Variants in GALNTL6 observed in about 807,000 individuals in gnomAD.
GALNTL6 encodes the protein polypeptide N-acetylgalactosaminyltransferase like 6.
In GALNTL6, 46 loss-of-function variants were observed where a neutral mutation model predicts 73.7. The ratio of observed to expected loss-of-function variants is 0.62; its 90% CI spans 0.49 to 0.80. GALNTL6 has a LOEUF of 0.80. Among genes scored for constraint, GALNTL6 ranks in the 30% least tolerant of loss-of-function variants. GALNTL6 has a pLI of 0.00. For missense variants in GALNTL6, 604 were observed against 755.0 expected, an observed-to-expected ratio of 0.80 and a Z score of 2.34; for synonymous variants, 259 against 263.7, an observed-to-expected ratio of 0.98 and a Z score of 0.17.
chr4:172,735,788 C>A (rs1424715764), intron 5 of GALNTL6, among the ~76,000 whole-genome samples: 1 of 152,082 alleles, frequency 6.6e-6, no homozygotes, highest in African/African-American at 2.4e-5. Flanking sequence ...AATATTTCAA[C>A]ATAGGTACTT....
chr4:172,322,578 C>T (rs1271973276), intron 4 of GALNTL6, among the ~76,000 whole-genome samples: 1 of 152,000 alleles, frequency 6.6e-6, no homozygotes, highest in Non-Finnish European at 1.5e-5. Context: ...CCTCAGGAAA[C>T]TCATAATCAT....
At chr4:172,722,262 T>A (rs945046372) in intron 5 of GALNTL6, among the ~76,000 whole-genome samples, 53 of 152,284 alleles carry the variant, frequency 3.5e-4, no homozygotes, top group African/African-American at 1.2e-3. Flanking sequence ...ATACTCTAAA[T>A]GGGGGTTCCA....
At chr4:171,929,591 GC>G in intron 2 of GALNTL6, among the ~76,000 whole-genome samples, 1 of 152,330 alleles carries the variant, frequency 6.6e-6, no homozygotes, top group African/African-American at 2.4e-5. Flanking sequence ...CAACGGCGTG[GC>G]CTCGAGCAGC....
chr4:172,800,692 G>A (rs552943505), intron 5 of GALNTL6, among the ~76,000 whole-genome samples: 1 of 152,152 alleles, frequency 6.6e-6, no homozygotes, highest in African/African-American at 2.4e-5. Flanking sequence ...AAAAATCAGA[G>A]ACATTTCCAT....
At chr4:171,919,294 T>G (rs890710490) in intron 2 of GALNTL6, among the ~76,000 whole-genome samples, 1 of 151,986 alleles carries the variant, frequency 6.6e-6, no homozygotes, top group Admixed American at 6.6e-5. Flanking sequence ...ACATAAAACA[T>G]TATCCACACA....
chr4:172,715,875 A>G (rs1735047726), intron 5 of GALNTL6, among the ~76,000 whole-genome samples: 1 of 152,226 alleles, frequency 6.6e-6, no homozygotes, highest in Non-Finnish European at 1.5e-5. Context: ...TAATCCAAAC[A>G]AACTAAGTAC....
chr4:172,563,329 C>A (rs1736443528), intron 5 of GALNTL6, among the ~76,000 whole-genome samples: 1 of 149,730 alleles, frequency 6.7e-6, no homozygotes, highest in South Asian at 2.2e-4. Flanking sequence ...CCTACAGGAG[C>A]CACGATATGA....
At chr4:172,882,961 T>G in intron 8 of GALNTL6, 54 bp downstream of exon 8, 1 of 938,064 alleles carries the variant, frequency 1.1e-6, no homozygotes, top group Non-Finnish European at 1.7e-6. Flanking sequence ...ACAATTCTGA[T>G]AGAATATCAG....
At chr4:172,879,106 G>A (rs1172815015) in intron 7 of GALNTL6, among the ~76,000 whole-genome samples, 2 of 151,740 alleles carry the variant, frequency 1.3e-5, no homozygotes, top group Non-Finnish European at 1.5e-5. Flanking sequence ...CACCTATTAA[G>A]AGAGCTACGG....
Position 172,700,828 on chromosome 4 carries a change from T to A in GALNTL6, c.554-108533T>A, listed in dbSNP as rs190006978. On this transcript the variant is annotated intron_variant, in intron 5 of 12. Transcript: ENST00000506823. ...AACAAAGAAGGCTTTCAAATATAAA[T>A]TTGAGATATTATATAGGCTTCTCCC... 1.6e-4 allele frequency among the ~76,000 whole-genome samples: 24 copies of A among 152,196 alleles called. No homozygotes were observed. In the East Asian group the frequency reaches 4.3e-3, roughly 27 times the overall value.
intron 5 of GALNTL6, among the ~76,000 whole-genome samples, chr4:172,520,523 G>C (rs1430481424): frequency 6.7e-6 from 1 of 149,918 alleles, no homozygotes; most frequent in East Asian, 1.9e-4. Flanking sequence ...CTTGGGTACA[G>C]CATTTTGAGT....
intron 5 of GALNTL6, among the ~76,000 whole-genome samples, chr4:172,447,810 A>T (rs1045247831): frequency 6.6e-6 from 1 of 152,172 alleles, no homozygotes; most frequent in African/African-American, 2.4e-5. Context: ...AGTATTTATT[A>T]CCAAGACTAG....
chr4:172,079,870 T>TA (rs199612301), intron 2 of GALNTL6, among the ~76,000 whole-genome samples: 1 of 152,086 alleles, frequency 6.6e-6, no homozygotes, highest in Non-Finnish European at 1.5e-5. Context: ...TTTAACTTTT[T>TA]AAAAAAAATT....
chr4:172,557,002 G>T (rs1736169074), intron 5 of GALNTL6, among the ~76,000 whole-genome samples: 1 of 152,112 alleles, frequency 6.6e-6, no homozygotes, highest in Admixed American at 6.5e-5. Context: ...TATCCAGCAT[G>T]CATTTCCCAA....
intron 5 of GALNTL6, among the ~76,000 whole-genome samples, chr4:172,409,561 A>C (rs1331427667): frequency 6.6e-6 from 1 of 152,022 alleles, no homozygotes; most frequent in African/African-American, 2.4e-5. Flanking sequence ...GAATTTGCAT[A>C]GCTCTAATCT....
intron 7 of GALNTL6, among the ~76,000 whole-genome samples, chr4:172,824,237 G>A (rs1742104459): frequency 6.6e-6 from 1 of 152,018 alleles, no homozygotes; most frequent in African/African-American, 2.4e-5. Context: ...CTGTGTCCAG[G>A]GGTCAGCGAG....
At chr4:172,202,483 G>A (rs993882725) in intron 2 of GALNTL6, among the ~76,000 whole-genome samples, 1 of 152,148 alleles carries the variant, frequency 6.6e-6, no homozygotes, top group African/African-American at 2.4e-5. Context: ...GATCAAATAT[G>A]TGTGTATATA....
chr4:172,937,597 A>C (rs960124585), intron 9 of GALNTL6, among the ~76,000 whole-genome samples: 7 of 152,240 alleles, frequency 4.6e-5, no homozygotes, highest in African/African-American at 1.7e-4. Context: ...CTTCTGAAAA[A>C]AGAAATGCTT....
chr4:172,871,727 GT>G (rs1744950167), intron 7 of GALNTL6, among the ~76,000 whole-genome samples: 1 of 151,398 alleles, frequency 6.6e-6, no homozygotes, highest in Admixed American at 6.6e-5. Context: ...TCAATGATCA[GT>G]TTGGAGATAC....
Sources: gnomAD v4.1 joint callset for allele counts (sites outside exome capture counted in the v4.1 genomes callset) on GRCh38, gnomAD v4.1.1 for gene constraint, MANE v1.5 for transcripts, NCBI Gene and HGNC (gene_info 2026-07-23, HGNC 2026-07-21) for gene names.